CDH13: variants seen among roughly 807,000 people sequenced by gnomAD.
CDH13 encodes the protein cadherin-13.
A neutral mutation model predicts 63.8 loss-of-function variants in CDH13; 24 were observed. The ratio of observed to expected loss-of-function variants is 0.38; its 90% CI spans 0.27 to 0.53. CDH13 has a LOEUF of 0.53. Ranked by LOEUF, CDH13 falls within the 20% of genes least tolerant of loss-of-function variation. The pLI is 0.85. For missense variants in CDH13, 1,049 were observed against 903.1 expected, an observed-to-expected ratio of 1.16 and a Z score of -2.07; for synonymous variants, 503 against 355.3, an observed-to-expected ratio of 1.42 and a Z score of -4.67.
chr16:83,267,526 C>G (rs759798715), intron 5 of CDH13, among the ~76,000 whole-genome samples: 31 of 152,140 alleles, frequency 2.0e-4, no homozygotes, highest in Non-Finnish European at 5.9e-5. Flanking sequence ...GAGGTAAGAC[C>G]TCTAAAAGGT....
chr16:83,723,565 C>T (rs1308621668), intron 10 of CDH13, among the ~76,000 whole-genome samples: 1 of 152,194 alleles, frequency 6.6e-6, no homozygotes, highest in African/African-American at 2.4e-5. Flanking sequence ...AAGGCTTTCC[C>T]TGATCACCTT....
chr16:83,777,338 T>A (rs1915191179), intron 11 of CDH13, among the ~76,000 whole-genome samples: 1 of 152,156 alleles, frequency 6.6e-6, no homozygotes, highest in South Asian at 2.1e-4. Context: ...TGCCCTCAGC[T>A]CTGGAGGAGC....
intron 7 of CDH13, among the ~76,000 whole-genome samples, chr16:83,567,218 T>C (rs1341606077): frequency 6.6e-6 from 1 of 152,212 alleles, no homozygotes; most frequent in Non-Finnish European, 1.5e-5. Context: ...CATCAGTGTA[T>C]TCTCTAAAAC....
intron 7 of CDH13, among the ~76,000 whole-genome samples, chr16:83,572,406 G>A (rs1211785890): frequency 6.6e-6 from 1 of 152,092 alleles, no homozygotes; most frequent in Non-Finnish European, 1.5e-5. Flanking sequence ...CTCACAAAAT[G>A]TTGGGATTAC....
chr16:82,918,338 G>T (rs2042053947), intron 2 of CDH13, among the ~76,000 whole-genome samples: 2 of 152,120 alleles, frequency 1.3e-5, no homozygotes, highest in South Asian at 4.2e-4. Flanking sequence ...ATGGTGATTA[G>T]AATCTCTGCA....
At chr16:83,170,137 G>A (rs1266249258) in intron 4 of CDH13, among the ~76,000 whole-genome samples, 3 of 151,912 alleles carry the variant, frequency 2.0e-5, no homozygotes, top group African/African-American at 7.3e-5. Context: ...ATTAAATTTT[G>A]CAAAAATGCC....
chr16:83,347,968 G>A (rs1460132126), intron 6 of CDH13, among the ~76,000 whole-genome samples: 1 of 152,132 alleles, frequency 6.6e-6, no homozygotes, highest in Non-Finnish European at 1.5e-5. Flanking sequence ...GAGGTGTGTG[G>A]ATCTTGAGGT....
At chr16:83,166,779 T>G (rs1054558338) in intron 4 of CDH13, among the ~76,000 whole-genome samples, 1 of 152,186 alleles carries the variant, frequency 6.6e-6, no homozygotes, top group African/African-American at 2.4e-5. Flanking sequence ...AAAATGCCCG[T>G]TGGGCATCAA....
At chr16:82,629,761 C>T (rs1907784782) in intron 1 of CDH13, among the ~76,000 whole-genome samples, 1 of 152,208 alleles carries the variant, frequency 6.6e-6, no homozygotes, top group Non-Finnish European at 1.5e-5. Context: ...CACCGTTGAA[C>T]AGTCACCTCT....
At chr16:83,671,096 A>G in intron 9 of CDH13, 124 bp downstream of exon 9, 1 of 828,610 alleles carries the variant, frequency 1.2e-6, no homozygotes, top group South Asian at 2.1e-5. Context: ...CCTTCTGGGA[A>G]TTAACAAAGG....
intron 4 of CDH13, among the ~76,000 whole-genome samples, chr16:83,153,861 T>G (rs2037094436): frequency 6.6e-6 from 1 of 152,174 alleles, no homozygotes; most frequent in Non-Finnish European, 1.5e-5. Flanking sequence ...ACAATGGTCA[T>G]TGTAGTTATT....
intron 2 of CDH13, among the ~76,000 whole-genome samples, chr16:82,875,706 A>G (rs941207446): frequency 2.6e-5 from 4 of 152,230 alleles, no homozygotes; most frequent in Admixed American, 2.6e-4. Flanking sequence ...TCAACAATGC[A>G]AAAGGGGACC....
chr16:82,788,815 A>G (rs1304595730), intron 1 of CDH13, among the ~76,000 whole-genome samples: 1 of 152,194 alleles, frequency 6.6e-6, no homozygotes, highest in Non-Finnish European at 1.5e-5. Flanking sequence ...TTTGCATCCA[A>G]TTAAAGAAGC....
intron 8 of CDH13, among the ~76,000 whole-genome samples, chr16:83,628,040 A>G (rs987805767): frequency 6.6e-6 from 1 of 152,102 alleles, no homozygotes; most frequent in African/African-American, 2.4e-5. Flanking sequence ...GGACGACTGG[A>G]GGTCACTCTC....
At chr16:83,094,918 A>G (rs1002720021) in intron 3 of CDH13, among the ~76,000 whole-genome samples, 1 of 152,196 alleles carries the variant, frequency 6.6e-6, no homozygotes, top group Admixed American at 6.5e-5. Flanking sequence ...AGTTATTGAA[A>G]ACCGGTTTGA....
intron 10 of CDH13, among the ~76,000 whole-genome samples, chr16:83,701,044 G>A (rs3784950): frequency 0.31 from 47,241 of 152,062 alleles, 7,641 homozygotes; most frequent in African/African-American, 0.42. Flanking sequence ...CCTGAGCTGG[G>A]GGATTCTAGG....
intron 8 of CDH13, among the ~76,000 whole-genome samples, chr16:83,650,132 A>G (rs184947993): frequency 1.3e-5 from 2 of 152,308 alleles, no homozygotes; most frequent in Admixed American, 6.5e-5. Context: ...CTGTAAGACC[A>G]GAATCAATGT....
intron 6 of CDH13, among the ~76,000 whole-genome samples, chr16:83,441,964 G>A (rs1175959414): frequency 6.6e-6 from 1 of 152,132 alleles, no homozygotes. Context: ...CTATAAGGAG[G>A]CTGGGATTGA....
In CDH13 at chr16:82,976,813, C is replaced by T. The variant is rs556069048; in HGVS notation, c.158-55197C>T. 2.5e-4 allele frequency among the ~76,000 whole-genome samples: 38 copies of T among 152,282 alleles called. No homozygotes were observed. The South Asian group carries it at 7.7e-3, about 31-fold the overall frequency. The stretch of plus-strand genomic sequence containing the variant: ...ATTATTCTGCCTGGAACTCAGCTAG[C>T]TAGCCAGGTGGTACTCGGAGTTGGC... On this transcript the variant is annotated intron_variant, in intron 2 of 13. Transcript: ENST00000567109.
Sources: gnomAD v4.1 joint callset for allele counts (sites outside exome capture counted in the v4.1 genomes callset) on GRCh38, gnomAD v4.1.1 for gene constraint, MANE v1.5 for transcripts, NCBI Gene and HGNC (gene_info 2026-07-23, HGNC 2026-07-21) for gene names.